KLHDC10: variants seen among roughly 807,000 people sequenced by gnomAD.
The protein encoded by KLHDC10 is kelch domain containing 10.
KLHDC10 carries 24 observed loss-of-function variants against 56.1 expected under a neutral mutation model. That is an observed-to-expected ratio of 0.43 (90% CI 0.31 to 0.60). KLHDC10 has a LOEUF of 0.60. KLHDC10 is among the 20% of genes least tolerant of loss of function. KLHDC10 has a pLI of 0.11. For missense variants in KLHDC10, 349 were observed against 567.0 expected, an observed-to-expected ratio of 0.62 and a Z score of 3.91; for synonymous variants, 188 against 207.1, an observed-to-expected ratio of 0.91 and a Z score of 0.79.
intron 8 of KLHDC10, among the ~76,000 whole-genome samples, chr7:130,128,919 T>TATATATATATATATATATACACAC (rs1292651924): frequency 8.6e-5 from 10 of 115,704 alleles, no homozygotes; most frequent in African/African-American, 3.2e-4. Context: ...TATATATATA[T>TATATATATATATATATATACACAC]ACATACTAGC....
chr7:130,133,608 A>T lies in KLHDC10; in HGVS notation c.*2862A>T, dbSNP rs898228738. On this transcript the variant is annotated 3_prime_UTR_variant, in exon 10 of 10. Coordinates refer to ENST00000335420, the MANE Select transcript of KLHDC10 (RefSeq NM_014997.4). ...AACTCTTAGAGACTCATTGTTCCTT[A>T]GGTTTGTTAGAGTTGAGATTTTTTT... The T allele has an allele frequency of 6.6e-5, 10 of 152,130 alleles. No homozygotes were observed. Among genetic ancestry groups the T allele is most frequent in the African/African-American group, 2.4e-4 (10 of 41,420 alleles). The allele number at this position is 152,130 out of a possible 1,614,324, so 9.4% of individuals were successfully genotyped here.
intron 8 of KLHDC10, among the ~76,000 whole-genome samples, chr7:130,128,542 G>A (rs1029929017): frequency 5.9e-5 from 9 of 152,040 alleles, no homozygotes; most frequent in African/African-American, 1.7e-4. Context: ...TCTTCTCGCC[G>A]AAGAAAGCTT....
At chr7:130,077,058 A>G (rs1365348739) in intron 1 of KLHDC10, among the ~76,000 whole-genome samples, 1 of 152,146 alleles carries the variant, frequency 6.6e-6, no homozygotes, top group East Asian at 1.9e-4. Context: ...CTTTATGTTC[A>G]AGAACAGTAT....
intron 2 of KLHDC10, among the ~76,000 whole-genome samples, chr7:130,108,615 A>T (rs560252656): frequency 1.3e-4 from 19 of 150,084 alleles, no homozygotes; most frequent in African/African-American, 4.2e-4. Flanking sequence ...AGCACTCATC[A>T]GGATGCTGAG....
Position 130,131,173 on chromosome 7 carries a change from A to C in KLHDC10, c.*427A>C, listed in dbSNP as rs115741448. The C allele has an allele frequency of 8.2e-3, 1,322 of 160,946 alleles. 18 individuals are homozygous for C. Among genetic ancestry groups the C allele is most frequent in the African/African-American group, 0.03 (1,256 of 41,684 alleles). The allele number at this position is 160,946 out of a possible 1,614,324, so 10.0% of individuals were successfully genotyped here. ...AATTTTTACATCTAGCAACAGCAAC[A>C]ACCACAAATTTAGGGGAAGCTGAGA... is the stretch of plus-strand genomic sequence containing the variant. On this transcript the variant is annotated 3_prime_UTR_variant, in exon 10 of 10. Transcript: ENST00000335420.
intron 1 of KLHDC10, among the ~76,000 whole-genome samples, chr7:130,071,295 G>A (rs147103648): frequency 7.1e-4 from 108 of 152,330 alleles, no homozygotes; most frequent in African/African-American, 2.5e-3. Flanking sequence ...GGGTGGGGGA[G>A]TGTTGGCTGG....
Position 130,116,293 on chromosome 7 carries a change from T to C in KLHDC10, c.254-152T>C. ...GCATAAGAAGTATTATTAGGAAGTA[T>C]ATCCATGTTATAAATCTAAACAAAT... On this transcript the variant is annotated intron_variant, in intron 2 of 9. Transcript: ENST00000335420. The surrounding 1 kb of genome is among the most constrained non-coding windows in gnomAD (Gnocchi z 4.8). The C allele has an allele frequency of 1.6e-6, 1 of 617,200 alleles. No individual in the cohort carries two copies. The allele number at this position is 617,200 out of a possible 1,614,324, so 38.2% of individuals were successfully genotyped here.
intron 2 of KLHDC10, among the ~76,000 whole-genome samples, chr7:130,107,876 C>T (rs768978992): frequency 8.3e-6 from 1 of 121,100 alleles, no homozygotes; most frequent in South Asian, 2.9e-4. Context: ...AAGAGCCGGA[C>T]GCGGTGGCCC....
chr7:130,070,969 C>T (rs1282071278), intron 1 of KLHDC10, among the ~76,000 whole-genome samples, 160 bp downstream of exon 1: 1 of 152,172 alleles, frequency 6.6e-6, no homozygotes, highest in African/African-American at 2.4e-5. Flanking sequence ...TCTTTGAGGT[C>T]AGGGAGGGAA....
At chr7:130,128,828 C>A (rs1343727916) in intron 8 of KLHDC10, among the ~76,000 whole-genome samples, 1 of 137,594 alleles carries the variant, frequency 7.3e-6, no homozygotes, top group African/African-American at 2.8e-5. Flanking sequence ...TCACTTGAGC[C>A]CAGGAGTTCA....
intron 3 of KLHDC10, among the ~76,000 whole-genome samples, chr7:130,117,171 A>G (rs757073991): frequency 6.6e-6 from 1 of 152,232 alleles, no homozygotes; most frequent in Non-Finnish European, 1.5e-5. Flanking sequence ...AATTAAAAAT[A>G]CTTTATTGCT....
chr7:130,100,591 G>A (rs1044926815), intron 2 of KLHDC10, among the ~76,000 whole-genome samples: 2 of 152,190 alleles, frequency 1.3e-5, no homozygotes, highest in African/African-American at 4.8e-5. Context: ...TGGTGACAGT[G>A]AACTAATGAA....
At chr7:130,073,663 T>C (rs1795455701) in intron 1 of KLHDC10, among the ~76,000 whole-genome samples, 1 of 152,164 alleles carries the variant, frequency 6.6e-6, no homozygotes, top group Admixed American at 6.5e-5. Context: ...GAACCTTTTC[T>C]TACTTTTTAC....
chr7:130,127,422 G>T lies in KLHDC10; in HGVS notation c.950G>T (p.Arg317Met). ...TTGGCAGGCTTTCCTGCAGCCCGAAGGTGTCACAGTTGTGTTCAAATAAAA... is the reference window on the plus strand; with the variant it reads ...TTGGCAGGCTTTCCTGCAGCCCGAATGTGTCACAGTTGTGTTCAAATAAAA... ...HEKIGFPAAR[R>M]CHSCVQIKND... Residue 317 changes from arginine (R) to methionine (M), a missense_variant, in exon 8 of 10, where the codon AGG becomes ATG. Physicochemically the swap from Arg to Met is moderately conservative, Grantham distance 91. Coordinates refer to ENST00000335420, the MANE Select transcript of KLHDC10 (RefSeq NM_014997.4). 6.2e-7 allele frequency: 1 copy of T among 1,613,592 alleles called. No individual in the cohort carries two copies. Among genetic ancestry groups the T allele is most frequent in the Non-Finnish European group, 8.5e-7 (1 of 1,179,496 alleles).
At chr7:130,109,613 A>G (rs1428582178) in intron 2 of KLHDC10, among the ~76,000 whole-genome samples, 1 of 151,944 alleles carries the variant, frequency 6.6e-6, no homozygotes, top group Non-Finnish European at 1.5e-5. Context: ...TGCCATTATT[A>G]TTTTGCCACT....
intron 1 of KLHDC10, among the ~76,000 whole-genome samples, chr7:130,087,762 CTTT>C (rs777285968): frequency 1.4e-5 from 2 of 140,900 alleles, no homozygotes; most frequent in Non-Finnish European, 1.6e-5. Flanking sequence ...TATGGAATTT[CTTT>C]TTTTTTTTTT....
chr7:130,089,700 G>A (rs539841478), intron 1 of KLHDC10, among the ~76,000 whole-genome samples: 21 of 152,266 alleles, frequency 1.4e-4, no homozygotes, highest in African/African-American at 5.1e-4. Context: ...TAGACACTTT[G>A]CCTGGAGCTC....
At chr7:130,106,935 C>A (rs971158531) in intron 2 of KLHDC10, among the ~76,000 whole-genome samples, 7 of 152,110 alleles carry the variant, frequency 4.6e-5, no homozygotes, top group African/African-American at 1.7e-4. Flanking sequence ...TACACTGCTA[C>A]GTTCCAGCCT....
At position 130,132,724 on chromosome 7, in the gene KLHDC10, AG is replaced by A. The variant is rs1796418037; in HGVS notation, c.*1979del. ...GCAAGTCAGTCTGAGCAGCTCCATT[AG>A]TCCAAAACAGAGCTTTGCTGCATGA... is the stretch of plus-strand genomic sequence containing the variant. On this transcript the variant is annotated 3_prime_UTR_variant, in exon 10 of 10. Coordinates refer to ENST00000335420, the MANE Select transcript of KLHDC10 (RefSeq NM_014997.4). 1 of 152,268 alleles carries A rather than the reference AG, an allele frequency of 6.6e-6. No individual in the cohort carries two copies. Among genetic ancestry groups the A allele is most frequent in the Non-Finnish European group, 1.5e-5 (1 of 68,082 alleles). 9.4% of individuals were successfully genotyped at this position (152,268 alleles called of 1,614,324 possible).
Sources: allele counts gnomAD v4.1 joint callset (sites outside exome capture counted in the v4.1 genomes callset), GRCh38; gene constraint gnomAD v4.1.1; non-coding constraint Gnocchi (gnomAD v3.1); transcripts MANE v1.5; gene names NCBI Gene and HGNC (gene_info 2026-07-23, HGNC 2026-07-21).